RBFOX1: variants seen among roughly 807,000 people sequenced by gnomAD.
RBFOX1 encodes the protein RNA binding fox-1 homolog 1.
Under a neutral mutation model 57.7 loss-of-function variants are expected in RBFOX1, and 8 were observed. That is an observed-to-expected ratio of 0.14 (90% CI 0.08 to 0.25). The LOEUF is 0.25. Among genes scored for constraint, RBFOX1 ranks in the 10% least tolerant of loss-of-function variants. The pLI is 1.00. For missense variants in RBFOX1, 611 were observed against 548.5 expected (o/e 1.11, Z -1.14); for synonymous variants, 326 against 222.4 (o/e 1.47, Z -4.15).
chr16:6,786,598 G>A (rs1490063145), intron 3 of RBFOX1, among the ~76,000 whole-genome samples: 2 of 152,282 alleles, frequency 1.3e-5, no homozygotes, highest in South Asian at 4.1e-4. Context: ...GGACAAAGCT[G>A]GTTCCCCTGA....
At chr16:5,384,269 G>C (rs1216569374) in intron 1 of RBFOX1, among the ~76,000 whole-genome samples, 1 of 152,234 alleles carries the variant, frequency 6.6e-6, no homozygotes, top group Non-Finnish European at 1.5e-5. Flanking sequence ...AAAGTGGGAA[G>C]GAAAGTCAAG....
chr16:5,559,979 C>T (rs2045832885), intron 2 of RBFOX1, among the ~76,000 whole-genome samples: 1 of 152,132 alleles, frequency 6.6e-6, no homozygotes, highest in Non-Finnish European at 1.5e-5. Context: ...TGTTGATATT[C>T]TATCCGTCTC....
In RBFOX1 at chr16:5,726,459, A is replaced by G. The variant is rs576624087; in HGVS notation, c.318+127498A>G. Among the ~76,000 whole-genome samples, 25 of 152,222 alleles carry G rather than the reference A, an allele frequency of 1.6e-4. No homozygotes were observed. The South Asian group carries it at 3.9e-3, about 24-fold the overall frequency. On this transcript the variant is annotated intron_variant, in intron 3 of 19. Coordinates refer to the RBFOX1 transcript ENST00000641259. ...CCAAGGTCGCCACCAGCAAGCCAGGACCTTCACTTTCTTTGTCCCGCTTTC... is the reference window on the plus strand; with the variant it reads ...CCAAGGTCGCCACCAGCAAGCCAGGGCCTTCACTTTCTTTGTCCCGCTTTC...
intron 3 of RBFOX1, among the ~76,000 whole-genome samples, chr16:6,842,604 C>A (rs1016992268): frequency 6.7e-6 from 1 of 149,856 alleles, no homozygotes; most frequent in African/African-American, 2.5e-5. Flanking sequence ...TTTATGTATC[C>A]AGTTTCCTGC....
At chr16:5,402,576 T>G (rs2066745255) in intron 1 of RBFOX1, among the ~76,000 whole-genome samples, 1 of 152,242 alleles carries the variant, frequency 6.6e-6, no homozygotes, top group Admixed American at 6.5e-5. Flanking sequence ...TTCTAAAAAC[T>G]TTTCAGTTGA....
intron 1 of RBFOX1, among the ~76,000 whole-genome samples, chr16:5,345,180 G>A (rs928385516): frequency 1.3e-5 from 2 of 152,130 alleles, no homozygotes; most frequent in Admixed American, 6.5e-5. Flanking sequence ...GCTGTGCTCT[G>A]TTCTGGGTGG....
intron 4 of RBFOX1, among the ~76,000 whole-genome samples, chr16:7,139,189 T>C (rs1337294809): frequency 6.6e-6 from 1 of 151,482 alleles, no homozygotes; most frequent in African/African-American, 2.4e-5. Flanking sequence ...TGTGTGTGTG[T>C]GTGTGTGTAT....
intron 2 of RBFOX1, among the ~76,000 whole-genome samples, chr16:6,609,029 C>G (rs919995246): frequency 6.6e-5 from 10 of 152,194 alleles, no homozygotes; most frequent in African/African-American, 2.2e-4. Flanking sequence ...ACCCTTCTGT[C>G]TCCCTCTCCC....
rs140570085 is a variant in RBFOX1, at chr16:5,947,014, C to T, written c.351+79679C>T. On this transcript the variant is annotated intron_variant, in intron 4 of 19. Transcript: ENST00000641259. This position sits in a 1 kb window ranked among gnomAD's most constrained non-coding sequence, Gnocchi z 7.2. ...ATTGCTTGAGGCCAGGAGTTTGAGA[C>T]CAGCTCTAGCAATATAGTGACACCC... is the stretch of plus-strand genomic sequence containing the variant. Among the ~76,000 whole-genome samples, 101 of 152,218 alleles carry T rather than the reference C, an allele frequency of 6.6e-4. No homozygotes were observed. Among genetic ancestry groups the T allele is most frequent in the Non-Finnish European group, 1.3e-3 (87 of 68,020 alleles).
At chr16:7,078,207 A>C (rs1246538855) in intron 4 of RBFOX1, among the ~76,000 whole-genome samples, 1 of 152,218 alleles carries the variant, frequency 6.6e-6, no homozygotes, top group Non-Finnish European at 1.5e-5. Flanking sequence ...GGAGCATTGA[A>C]TAGGCAAACC....
intron 3 of RBFOX1, among the ~76,000 whole-genome samples, chr16:6,795,623 T>A (rs1567279296): frequency 6.6e-6 from 1 of 151,820 alleles, no homozygotes; most frequent in Non-Finnish European, 1.5e-5. Flanking sequence ...AAAATTAGCC[T>A]GGCATGGTTG....
At chr16:7,468,003 A>G (rs1212157233) in intron 4 of RBFOX1, among the ~76,000 whole-genome samples, 1 of 152,246 alleles carries the variant, frequency 6.6e-6, no homozygotes, top group Non-Finnish European at 1.5e-5. Flanking sequence ...ACTGCAAGTG[A>G]AGCAGAAGGA....
intron 4 of RBFOX1, among the ~76,000 whole-genome samples, chr16:7,450,877 G>T (rs143685115): frequency 6.6e-6 from 1 of 152,270 alleles, no homozygotes; most frequent in African/African-American, 2.4e-5. Flanking sequence ...TGAGAGGGTA[G>T]GAGAATGGTG....
chr16:7,220,401 G>T (rs1409366568), intron 4 of RBFOX1, among the ~76,000 whole-genome samples: 1 of 152,156 alleles, frequency 6.6e-6, no homozygotes, highest in Non-Finnish European at 1.5e-5. Context: ...CTCAAAGAAG[G>T]TGCAATGCAT....
At chr16:5,391,330 G>A (rs1337554573) in intron 1 of RBFOX1, among the ~76,000 whole-genome samples, 1 of 123,684 alleles carries the variant, frequency 8.1e-6, no homozygotes, top group Non-Finnish European at 1.8e-5. Context: ...CCTCCTAGAG[G>A]CTTTAGGGGA....
intron 3 of RBFOX1, among the ~76,000 whole-genome samples, chr16:7,027,453 A>G (rs6500897): frequency 0.76 from 115,700 of 151,984 alleles, 44,237 homozygotes; most frequent in East Asian, 0.92. Flanking sequence ...TAGGAGAGGT[A>G]CAGATTGGGT....
At chr16:6,888,300 C>G (rs1044025229) in intron 3 of RBFOX1, among the ~76,000 whole-genome samples, 1 of 152,152 alleles carries the variant, frequency 6.6e-6, no homozygotes, top group South Asian at 2.1e-4. Flanking sequence ...AAGTCCTGCT[C>G]TTGAAAGTAG....
chr16:6,216,303 C>A (rs1180583121), intron 1 of RBFOX1, among the ~76,000 whole-genome samples: 1 of 152,120 alleles, frequency 6.6e-6, no homozygotes, highest in African/African-American at 2.4e-5. Flanking sequence ...AAACCCCATA[C>A]AGATTTTAAC....
chr16:6,920,205 AT>A (rs1436905627), intron 3 of RBFOX1, among the ~76,000 whole-genome samples: 20 of 152,100 alleles, frequency 1.3e-4, no homozygotes, highest in East Asian at 5.8e-4. Context: ...TTGGTTCCTT[AT>A]TTTTGCAATT....
Sources: gnomAD v4.1 joint callset for allele counts (sites outside exome capture counted in the v4.1 genomes callset) on GRCh38, gnomAD v4.1.1 for gene constraint, Gnocchi (gnomAD v3.1) non-coding constraint, MANE v1.5 for transcripts, NCBI Gene and HGNC (gene_info 2026-07-23, HGNC 2026-07-21) for gene names.